Variants in PATJ observed in about 807,000 individuals in gnomAD.
PATJ encodes PATJ crumbs cell polarity complex component.
In PATJ, 190 loss-of-function variants were observed where a neutral mutation model predicts 224.9. That is an observed-to-expected ratio of 0.84 (90% CI 0.75 to 0.95). The LOEUF (loss-of-function observed/expected upper bound fraction) is 0.95, where lower values mean the gene tolerates loss of function less well. PATJ is among the 40% of genes least tolerant of loss of function. The pLI is 0.00. For synonymous variants in PATJ, 769 were observed against 820.3 expected (o/e 0.94, Z 1.07); for missense variants, 2,121 against 2,270.3 (o/e 0.93, Z 1.34).
chr1:61,831,573 G>GA (rs1295604186), intron 16 of PATJ, among the ~76,000 whole-genome samples: 1 of 152,124 alleles, frequency 6.6e-6, no homozygotes, highest in Non-Finnish European at 1.5e-5. Context: ...ACCACCATAT[G>GA]AAAAAATGCT....
intron 29 of PATJ, among the ~76,000 whole-genome samples, chr1:62,023,969 G>A (rs1366301201): frequency 6.6e-6 from 1 of 152,074 alleles, no homozygotes; most frequent in Non-Finnish European, 1.5e-5. Flanking sequence ...TATGATTTTC[G>A]CTTTTGATTC....
At chr1:61,795,248 T>G (rs187311142) in intron 9 of PATJ, among the ~76,000 whole-genome samples, 4 of 152,288 alleles carry the variant, frequency 2.6e-5, no homozygotes, top group African/African-American at 4.8e-5. Context: ...TACTGATTAT[T>G]TTAACGGAAG....
At chr1:61,795,618 T>A in intron 10 of PATJ, 60 bp downstream of exon 10, 1 of 1,007,438 alleles carries the variant, frequency 9.9e-7, no homozygotes, top group African/African-American at 1.6e-5. Context: ...TGATCATTAT[T>A]ATAATACATG....
At chr1:61,904,391 A>AT (rs1671592987) in intron 24 of PATJ, among the ~76,000 whole-genome samples, 1 of 152,220 alleles carries the variant, frequency 6.6e-6, no homozygotes, top group Non-Finnish European at 1.5e-5. Flanking sequence ...CTATACTATA[A>AT]TAGCAACACC....
At position 61,861,554 on chromosome 1, in the gene PATJ, G is replaced by A. The variant is rs12141573; in HGVS notation, c.2326G>A (p.Asp776Asn). ...HLGICKPLVE[D>N]NEEESCYILH... is the part of the protein sequence containing the mutation. The stretch of plus-strand genomic sequence containing the variant: ...TAAAAGTGGTTTATATTTTCAGGAA[G>A]ATAATGAAGAAGAAAGTTGTTATAT... The change falls in exon 19 of 44, where the codon GAT becomes AAT. Residue 776 changes from aspartate to asparagine, a missense_variant. Physicochemically the swap from Asp to Asn is conservative, Grantham distance 23. Transcript: ENST00000642238. 2 of 1,297,444 alleles carry A rather than the reference G, an allele frequency of 1.5e-6. No homozygotes were observed. Among genetic ancestry groups the A allele is most frequent in the East Asian group, 2.6e-5 (1 of 39,098 alleles). 80.4% of individuals were successfully genotyped at this position (1,297,444 alleles called of 1,614,324 possible). A position where few individuals can be genotyped will look rare whatever the true frequency, so the allele number is the denominator to read the frequency against.
rs900079678 is a variant in PATJ, at chr1:62,073,414, G to A, written c.4126-6036G>A. The A allele has an allele frequency of 7.4e-6, 5 of 679,046 alleles. No individual in the cohort carries two copies. In the East Asian group the frequency reaches 6.8e-4, roughly 92 times the overall value. The allele number at this position is 679,046 out of a possible 1,614,324, so 42.1% of individuals were successfully genotyped here. A position where few individuals can be genotyped will look rare whatever the true frequency, so the allele number is the denominator to read the frequency against. On this transcript the variant is annotated intron_variant, in intron 31 of 43. Transcript: ENST00000642238. ...AAGGCAGGCAGATTGCTTGAGGTCA[G>A]GAGTTCCAGACCAGACTGGCCAACA...
intron 31 of PATJ, among the ~76,000 whole-genome samples, chr1:62,056,211 G>C (rs1375258242): frequency 6.6e-6 from 1 of 152,148 alleles, no homozygotes; most frequent in African/African-American, 2.4e-5. Flanking sequence ...CAGCTAGCTA[G>C]ATATCCCTTA....
At chr1:62,071,726 C>T (rs557865882) in intron 31 of PATJ, among the ~76,000 whole-genome samples, 5 of 152,110 alleles carry the variant, frequency 3.3e-5, no homozygotes, top group Non-Finnish European at 7.4e-5. Flanking sequence ...AGGTGATCCA[C>T]CGCCCCCACC....
chr1:61,997,420 T>C (rs908142227), intron 28 of PATJ, among the ~76,000 whole-genome samples: 2 of 152,218 alleles, frequency 1.3e-5, no homozygotes, highest in Non-Finnish European at 2.9e-5. Flanking sequence ...TTGTAACCAA[T>C]AGCTATCTGT....
intron 33 of PATJ, among the ~76,000 whole-genome samples, chr1:62,106,060 A>AT (rs1368736190): frequency 4.7e-4 from 16 of 34,106 alleles, no homozygotes; most frequent in African/African-American, 6.4e-4. Flanking sequence ...AAAAAAAAAA[A>AT]AAAATATATA....
At chr1:62,075,769 T>G (rs113742929) in intron 31 of PATJ, among the ~76,000 whole-genome samples, 1 of 151,822 alleles carries the variant, frequency 6.6e-6, no homozygotes, top group South Asian at 2.1e-4. Flanking sequence ...ATACAAAAAA[T>G]TAGCCAGGCG....
chr1:61,994,442 T>C (rs56033850), intron 28 of PATJ, among the ~76,000 whole-genome samples: 22,525 of 152,264 alleles, frequency 0.15, 2,039 homozygotes, highest in Non-Finnish European at 0.21. Context: ...TCATTTATAT[T>C]AATGCCTTTG....
intron 19 of PATJ, among the ~76,000 whole-genome samples, chr1:61,864,007 C>T (rs1466900014): frequency 6.6e-6 from 1 of 152,200 alleles, no homozygotes; most frequent in Non-Finnish European, 1.5e-5. Flanking sequence ...AATCATTCAC[C>T]TTGCCAAGGG....
chr1:61,984,164 A>ATTTTTTT (rs779439336), intron 27 of PATJ, among the ~76,000 whole-genome samples: 3 of 132,104 alleles, frequency 2.3e-5, no homozygotes, highest in African/African-American at 8.8e-5. Context: ...TATTATTATT[A>ATTTTTTT]TTTTTTTTTT....
chr1:61,883,060 A>G (rs1446893226), intron 21 of PATJ, among the ~76,000 whole-genome samples: 1 of 152,204 alleles, frequency 6.6e-6, no homozygotes, highest in Non-Finnish European at 1.5e-5. Context: ...TGTGCTTACT[A>G]TATATACATG....
intron 27 of PATJ, among the ~76,000 whole-genome samples, chr1:61,980,437 T>TTGTGTGTG (rs148389720): frequency 8.0e-4 from 104 of 129,736 alleles, no homozygotes; most frequent in African/African-American, 1.8e-3. Context: ...CTTATATAAT[T>TTGTGTGTG]TGTGTGTGTG....
At chr1:61,787,017 ATCTG>A (rs1389200602) in intron 7 of PATJ, among the ~76,000 whole-genome samples, 2 of 151,884 alleles carry the variant, frequency 1.3e-5, no homozygotes, top group Non-Finnish European at 1.5e-5. Context: ...CTATCTATCT[ATCTG>A]TCTATCTATC....
intron 33 of PATJ, among the ~76,000 whole-genome samples, chr1:62,089,985 G>A (rs1660521194): frequency 6.6e-6 from 1 of 152,110 alleles, no homozygotes; most frequent in Middle Eastern, 3.2e-3. Flanking sequence ...TTTGTTGTGT[G>A]TCCAAAAGAT....
intron 29 of PATJ, among the ~76,000 whole-genome samples, chr1:62,024,657 A>AACACACACACAC (rs10605703): frequency 9.3e-5 from 10 of 107,650 alleles, no homozygotes; most frequent in African/African-American, 3.0e-4. Flanking sequence ...CCCACCTCCC[A>AACACACACACAC]ACACACACAC....
Sources: gnomAD v4.1 joint callset for allele counts (sites outside exome capture counted in the v4.1 genomes callset) on GRCh38, gnomAD v4.1.1 for gene constraint, MANE v1.5 for transcripts, NCBI Gene and HGNC (gene_info 2026-07-23, HGNC 2026-07-21) for gene names.